Variants in GALNT18 observed in about 807,000 individuals in gnomAD.
The protein encoded by GALNT18 is GalNAc-transferase 18.
Under a neutral mutation model 69.5 loss-of-function variants are expected in GALNT18, and 44 were observed. That is an observed-to-expected ratio of 0.63 (90% CI 0.50 to 0.81). The LOEUF (loss-of-function observed/expected upper bound fraction) is 0.81. GALNT18 is among the 40% of genes least tolerant of loss of function. The pLI, the probability that GALNT18 is intolerant of heterozygous loss-of-function variation, is 0.00. For synonymous variants in GALNT18, 364 were observed against 318.2 expected, an observed-to-expected ratio of 1.14 and a Z score of -1.53; for missense variants, 715 against 810.0, an observed-to-expected ratio of 0.88 and a Z score of 1.42.
Position 11,592,299 on chromosome 11 carries a change from C to T in GALNT18, c.235+29060G>A, listed in dbSNP as rs747941963. The stretch of plus-strand genomic sequence containing the variant: ...TGCTAAGAAATTATATGCACGGTTA[C>T]GAAAAAAAATCAAAGATGTTTCCCA... On this transcript the variant is annotated intron_variant, in intron 1 of 10. Coordinates refer to ENST00000227756, the MANE Select transcript of GALNT18 (RefSeq NM_198516.3). This position sits in a 1 kb window ranked among gnomAD's most constrained non-coding sequence, Gnocchi z 5.9. Among the ~76,000 whole-genome samples, 3 of 151,966 alleles carry T rather than the reference C, an allele frequency of 2.0e-5. No individual in the cohort carries two copies. Among genetic ancestry groups the T allele is most frequent in the Admixed American group, 1.3e-4 (2 of 15,268 alleles).
chr11:11,581,609 C>T (rs144040897), intron 1 of GALNT18, among the ~76,000 whole-genome samples: 1,762 of 151,792 alleles, frequency 0.012, 40 homozygotes, highest in African/African-American at 0.04. Flanking sequence ...GAGCAGGGCT[C>T]CTGAAGGGTG....
In GALNT18 at chr11:11,562,899, C is replaced by T. The variant is rs2133985736; in HGVS notation, c.235+58460G>A. On this transcript the variant is annotated intron_variant, in intron 1 of 10. Coordinates refer to ENST00000227756, the MANE Select transcript of GALNT18 (RefSeq NM_198516.3). This position sits in a 1 kb window ranked among gnomAD's most constrained non-coding sequence, Gnocchi z 4.1. ...GGCCTGGGCTTTCCCTTCCCATCAC[C>T]CTGCCTCAGGCTTCATTCAGCACCC... Among the ~76,000 whole-genome samples the T allele has an allele frequency of 6.6e-6, 1 of 152,258 alleles. No individual in the cohort carries two copies. The highest frequency in any genetic ancestry group is 2.1e-4 in the South Asian group (1 of 4,820).
At chr11:11,388,275 G>A (rs1564923798) in intron 3 of GALNT18, among the ~76,000 whole-genome samples, 2 of 152,138 alleles carry the variant, frequency 1.3e-5, no homozygotes, top group South Asian at 4.2e-4. Flanking sequence ...TAGCGGGGTC[G>A]CCAAAGCCAG....
In GALNT18 at chr11:11,278,709, G is replaced by C. The variant is rs1205381302; in HGVS notation, c.1678-7419C>G. On this transcript the variant is annotated intron_variant, in intron 10 of 10. Coordinates refer to ENST00000227756, the MANE Select transcript of GALNT18 (RefSeq NM_198516.3). ...TGGTTACCAGAGGCTAAGAAAGGTA[G>C]TAGGGAGGAGAGGAAAAAGCAGGGA... Among the ~76,000 whole-genome samples, 6 of 152,216 alleles carry C rather than the reference G, an allele frequency of 3.9e-5. No individual in the cohort carries two copies. The South Asian group carries it at 1.2e-3, about 32-fold the overall frequency.
chr11:11,419,469 C>T (rs186438983), intron 3 of GALNT18, among the ~76,000 whole-genome samples: 5 of 151,730 alleles, frequency 3.3e-5, no homozygotes, highest in Admixed American at 1.3e-4. Context: ...TGGTAGCGCA[C>T]GCCTGTAATC....
At chr11:11,336,962 G>T (rs993820386) in intron 7 of GALNT18, among the ~76,000 whole-genome samples, 1 of 152,136 alleles carries the variant, frequency 6.6e-6, no homozygotes, top group Non-Finnish European at 1.5e-5. Context: ...AGGATTGGGG[G>T]CAAAGGAGGA....
intron 2 of GALNT18, among the ~76,000 whole-genome samples, chr11:11,446,026 T>C (rs1218992889): frequency 6.6e-6 from 1 of 152,208 alleles, no homozygotes; most frequent in Non-Finnish European, 1.5e-5. Flanking sequence ...GCTCTCATTG[T>C]GCAGCATTGT....
At chr11:11,476,938 C>T (rs1205296662) in intron 1 of GALNT18, among the ~76,000 whole-genome samples, 1 of 152,166 alleles carries the variant, frequency 6.6e-6, no homozygotes, top group Non-Finnish European at 1.5e-5. Context: ...CAAAGGACTG[C>T]ATTGTTGAAG....
chr11:11,417,712 C>A (rs1015334034), intron 3 of GALNT18, among the ~76,000 whole-genome samples: 1 of 152,200 alleles, frequency 6.6e-6, no homozygotes, highest in Non-Finnish European at 1.5e-5. Flanking sequence ...CACTGTCTAG[C>A]CTTGTTAGGC....
chr11:11,428,193 AGG>A (rs1855178906), intron 3 of GALNT18, among the ~76,000 whole-genome samples: 1 of 152,230 alleles, frequency 6.6e-6, no homozygotes, highest in African/African-American at 2.4e-5. Context: ...GAGTCTGCAC[AGG>A]GTCTGGCCAT....
chr11:11,599,442 C>T (rs1281777213), intron 1 of GALNT18, among the ~76,000 whole-genome samples: 1 of 151,930 alleles, frequency 6.6e-6, no homozygotes, highest in African/African-American at 2.4e-5. Context: ...TTACTGTTTG[C>T]ATTGTGTATC....
Position 11,374,906 on chromosome 11 carries a change from G to A in GALNT18, c.977+2276C>T, listed in dbSNP as rs111387185. ...CTTTGAGTTTCCTGTTGGTCAAAGT[G>A]GAAATGAACACACATGGTCTTAGAA... On this transcript the variant is annotated intron_variant, in intron 5 of 10. Coordinates refer to ENST00000227756, the MANE Select transcript of GALNT18 (RefSeq NM_198516.3). Among the ~76,000 whole-genome samples, 40 of 152,282 alleles carry A rather than the reference G, an allele frequency of 2.6e-4. 1 individual carries two copies. Among genetic ancestry groups the A allele is most frequent in the African/African-American group, 9.4e-4 (39 of 41,558 alleles).
At chr11:11,343,778 CTT>C (rs1349900849) in intron 6 of GALNT18, among the ~76,000 whole-genome samples, 4 of 152,212 alleles carry the variant, frequency 2.6e-5, no homozygotes, top group African/African-American at 9.6e-5. Flanking sequence ...TAGCAAAACT[CTT>C]TTATTACAAG....
In GALNT18 at chr11:11,463,173, C is replaced by T. The variant is rs1177957927; in HGVS notation, c.236-14237G>A. Reference sequence around the variant, plus strand: ...TCCCTCAGTTATCACTGGCTGTATCCTCACACATGGACATACACACTCAGA... The same window carrying T: ...TCCCTCAGTTATCACTGGCTGTATCTTCACACATGGACATACACACTCAGA... On this transcript the variant is annotated intron_variant, in intron 1 of 10. Transcript: ENST00000227756. This position sits in a 1 kb window ranked among gnomAD's most constrained non-coding sequence, Gnocchi z 4.2. Among the ~76,000 whole-genome samples the T allele has an allele frequency of 1.3e-5, 2 of 150,996 alleles. No homozygotes were observed. Among genetic ancestry groups the T allele is most frequent in the African/African-American group, 2.4e-5 (1 of 40,950 alleles).
chr11:11,322,818 A>C (rs1849859927), intron 9 of GALNT18, among the ~76,000 whole-genome samples: 1 of 152,200 alleles, frequency 6.6e-6, no homozygotes, highest in Non-Finnish European at 1.5e-5. Flanking sequence ...ACAGTTCTGG[A>C]GGCTGGGAAG....
intron 1 of GALNT18, among the ~76,000 whole-genome samples, chr11:11,560,125 GGGATGGGATA>G (rs1488251305): frequency 3.6e-4 from 55 of 151,684 alleles, no homozygotes; most frequent in Middle Eastern, 7.1e-3. Flanking sequence ...ACAATGGGAT[GGGATGGGATA>G]GAATAGAATG....
intron 2 of GALNT18, among the ~76,000 whole-genome samples, chr11:11,437,501 G>C (rs1220413817): frequency 6.6e-6 from 1 of 152,082 alleles, no homozygotes; most frequent in East Asian, 1.9e-4. Context: ...ACTGTTTGGA[G>C]ATATGTATGA....
intron 5 of GALNT18, among the ~76,000 whole-genome samples, chr11:11,374,428 C>A (rs1458729381): frequency 6.6e-6 from 1 of 152,192 alleles, no homozygotes; most frequent in Admixed American, 6.5e-5. Flanking sequence ...TCTAGAAGAT[C>A]CTCTCTTTAA....
chr11:11,372,712 G>T lies in GALNT18; in HGVS notation c.978-83C>A, dbSNP rs1018881752. ...GCAGTAAGGCCTTCCTATCAGGAGGGTCTGGTTCTCTTCCTTCCTTTGCTG... is the reference window on the plus strand; with the variant it reads ...GCAGTAAGGCCTTCCTATCAGGAGGTTCTGGTTCTCTTCCTTCCTTTGCTG... On this transcript the variant is annotated intron_variant, in intron 5 of 10. Transcript: ENST00000227756. This position sits in a 1 kb window ranked among gnomAD's most constrained non-coding sequence, Gnocchi z 4.9. The T allele has an allele frequency of 1.9e-6, 2 of 1,065,506 alleles. No individual in the cohort carries two copies. Among genetic ancestry groups the T allele is most frequent in the East Asian group, 2.5e-5 (1 of 39,962 alleles). 66.0% of individuals were successfully genotyped at this position (1,065,506 alleles called of 1,614,324 possible). A position where few individuals can be genotyped will look rare whatever the true frequency, so the allele number is the denominator to read the frequency against.
Sources: gnomAD v4.1 joint callset for allele counts (sites outside exome capture counted in the v4.1 genomes callset) on GRCh38, gnomAD v4.1.1 for gene constraint, Gnocchi (gnomAD v3.1) non-coding constraint, MANE v1.5 for transcripts, NCBI Gene and HGNC (gene_info 2026-07-23, HGNC 2026-07-21) for gene names.